The following ATXN2L variants were observed in gnomAD, a reference collection of about 807,000 sequenced individuals.
ATXN2L encodes the protein ataxin-2-like protein.
In ATXN2L, 24 loss-of-function variants were observed where a neutral mutation model predicts 120.7. That is an observed-to-expected ratio of 0.20 (90% CI 0.14 to 0.28). ATXN2L has a LOEUF of 0.28. ATXN2L is among the 10% of genes least tolerant of loss of function. ATXN2L has a pLI of 1.00. For missense variants in ATXN2L, 1,312 were observed against 1,432.3 expected, an observed-to-expected ratio of 0.92 and a Z score of 1.36; for synonymous variants, 653 against 568.1, an observed-to-expected ratio of 1.15 and a Z score of -2.13.
chr16:28,836,238 G>T lies in ATXN2L; in HGVS notation c.3201G>T (p.Gln1067His), dbSNP rs1960657458. The T allele has an allele frequency of 1.2e-5, 20 of 1,613,560 alleles. No homozygotes were observed. Among genetic ancestry groups the T allele is most frequent in the Non-Finnish European group, 1.4e-5 (17 of 1,179,640 alleles). ...HGRAEGLQVG[Q>H]DARVLGGE is the part of the protein sequence containing the mutation. ...GAGCTGAGGGGCTGCAGGTGGGGCA[G>T]GATGCACGGGTTCTGGGTGGGGAGT... Residue 1067 changes from glutamine (Q) to histidine (H), a missense_variant, in exon 22 of 22, where the codon CAG becomes CAT. Gln to His is a conservative substitution (Grantham distance 24). Transcript: ENST00000336783.
chr16:28,832,649 T>G, intron 12 of ATXN2L, 82 bp downstream of exon 12: 3 of 1,494,580 alleles, frequency 2.0e-6, no homozygotes, highest in Non-Finnish European at 2.8e-6. Flanking sequence ...TTGTTGGAAT[T>G]CAGAGGCAAA....
At chr16:28,824,025 G>T (rs2050689592) in intron 1 of ATXN2L, 3 of 861,704 alleles carry the variant, frequency 3.5e-6, no homozygotes, top group South Asian at 4.6e-5. Context: ...ACTTGGGAGC[G>T]GGTTGCTGCC....
Position 28,835,046 on chromosome 16 carries a change from C to G in ATXN2L, c.2434-12C>G. ...GCGGCTGTGCCAACCACTCCTCTCT[C>G]TGTCCCGCCAGCCGGTGTTTGCCCC... On this transcript the variant is annotated splice_polypyrimidine_tract_variant and intron_variant, in intron 18 of 21. Transcript: ENST00000336783. The G allele has an allele frequency of 6.2e-7, 1 of 1,605,088 alleles. No individual in the cohort carries two copies. Among genetic ancestry groups the G allele is most frequent in the Non-Finnish European group, 8.5e-7 (1 of 1,175,326 alleles).
intron 18 of ATXN2L, 137 bp downstream of exon 18, chr16:28,834,830 C>G (rs1959515537): frequency 1.6e-6 from 2 of 1,223,288 alleles, no homozygotes; most frequent in Admixed American, 2.8e-5. Flanking sequence ...TTGGCGGTGT[C>G]AGACTTGGGC....
At chr16:28,824,181 C>G in intron 1 of ATXN2L, 1 of 1,037,790 alleles carries the variant, frequency 9.6e-7, no homozygotes, top group Non-Finnish European at 1.2e-6. Flanking sequence ...TCTCATGACC[C>G]GGGCATTCGC....
At position 28,823,223 on chromosome 16, in the gene ATXN2L, T is replaced by A; in HGVS notation, c.-37T>A. ...CCCCAGCCCCGGCCCCCTCTCTCCC[T>A]CCCTTCTCTCTAATTCCCCTTCCGG... On this transcript the variant is annotated 5_prime_UTR_variant, in exon 1 of 22. Transcript: ENST00000336783. The A allele has an allele frequency of 8.4e-7, 1 of 1,190,788 alleles. No individual in the cohort carries two copies. The highest frequency in any genetic ancestry group is 1.1e-6 in the Non-Finnish European group (1 of 922,142). 73.8% of individuals were successfully genotyped at this position (1,190,788 alleles called of 1,614,324 possible). A position where few individuals can be genotyped will look rare whatever the true frequency, so the allele number is the denominator to read the frequency against.
Position 28,834,114 on chromosome 16 carries a change from C to T in ATXN2L, c.2075C>T (p.Thr692Ile). 1 of 1,614,182 alleles carries T rather than the reference C, an allele frequency of 6.2e-7. No homozygotes were observed. The highest frequency in any genetic ancestry group is 8.5e-7 in the Non-Finnish European group (1 of 1,180,024). Residue 692 changes from threonine to isoleucine, a missense_variant, in exon 16 of 22, where the codon ACT becomes ATT. By Grantham distance (89) the Thr-to-Ile change is moderately conservative. Coordinates refer to ENST00000336783, the MANE Select transcript of ATXN2L (RefSeq NM_007245.4). ...TCTCCGGGGCCCCGGACTCATTCAA[C>T]TCCCTCCATCCCGGTGCTGACAGCA... is the stretch of plus-strand genomic sequence containing the variant. ...PTSPGPRTHSTPSIPVLTAGQ... is the reference protein window; with the variant it reads ...PTSPGPRTHSIPSIPVLTAGQ...
At chr16:28,828,528 G>A (rs1369646704) in intron 6 of ATXN2L, among the ~76,000 whole-genome samples, 1 of 151,500 alleles carries the variant, frequency 6.6e-6, no homozygotes, top group East Asian at 1.9e-4. Flanking sequence ...CGGAGGTTGC[G>A]GTGAGCCAAG....
chr16:28,823,009 A>C lies in ATXN2L; in HGVS notation c.-251A>C. On this transcript the variant is annotated 5_prime_UTR_variant, in exon 1 of 22. Transcript: ENST00000336783. ...CCCTCTCCGCTCCCCGGCGACGCGC[A>C]CGCGCGCCAGCCCGGCTCGCGCCCT... 7.3e-6 allele frequency: 1 copy of C among 137,084 alleles called. No individual in the cohort carries two copies. The highest frequency in any genetic ancestry group is 2.1e-4 in the East Asian group (1 of 4,660). The allele number at this position is 137,084 out of a possible 1,614,324, so 8.5% of individuals were successfully genotyped here.
At chr16:28,829,815 C>A in intron 7 of ATXN2L, 43 bp from the exon 8 acceptor site, 1 of 1,595,344 alleles carries the variant, frequency 6.3e-7, no homozygotes, top group African/African-American at 1.3e-5. Context: ...CCTCTTTTGT[C>A]CCCTGGCACT....
chr16:28,832,304 C>T lies in ATXN2L; in HGVS notation c.1421C>T (p.Ser474Phe). ...CCCATCGGCTCGGCAGTGCCAACCT[C>T]TTCAGCCTCCATCCCTGTGACCTCA... is the stretch of plus-strand genomic sequence containing the variant. The part of the protein sequence containing the change: ...EPPIGSAVPT[S>F]SASIPVTSSV... The change falls in exon 11 of 22, where the codon TCT (serine) becomes TTT (phenylalanine). Residue 474 changes from serine (S) to phenylalanine (F), a missense_variant. Transcript: ENST00000336783. 9 of 1,614,176 alleles carry T rather than the reference C, an allele frequency of 5.6e-6. No individual in the cohort carries two copies. The highest frequency in any genetic ancestry group is 7.6e-6 in the Non-Finnish European group (9 of 1,180,034).
In ATXN2L at chr16:28,836,860, TCCCAGCCC is replaced by T. The variant is rs1961144973; in HGVS notation, c.*600_*607del. 13 of 1,457,258 alleles carry T rather than the reference TCCCAGCCC, an allele frequency of 8.9e-6. No homozygotes were observed. In the South Asian group the frequency reaches 1.3e-4, roughly 15 times the overall value. The allele number at this position is 1,457,258 out of a possible 1,614,324, so 90.3% of individuals were successfully genotyped here. A position where few individuals can be genotyped will look rare whatever the true frequency, so the allele number is the denominator to read the frequency against. The stretch of plus-strand genomic sequence containing the variant: ...CTCTTCCCCCAGCAGCTCGGACCAC[TCCCAGCCC>T]CCCATCCCCCCGTTCCCCAGGGGAG... On this transcript the variant is annotated 3_prime_UTR_variant, in exon 22 of 22. Transcript: ENST00000336783.
chr16:28,825,765 G>A lies in ATXN2L; in HGVS notation c.394-5G>A, dbSNP rs371507601. 8.0e-5 allele frequency: 129 copies of A among 1,613,946 alleles called. No homozygotes were observed. In the African/African-American group the frequency reaches 1.5e-3, roughly 19 times the overall value. On this transcript the variant is annotated splice_polypyrimidine_tract_variant and splice_region_variant and intron_variant, in intron 3 of 21. Coordinates refer to ENST00000336783, the MANE Select transcript of ATXN2L (RefSeq NM_007245.4). ...ACACTCTTCTTATTTTTCCCACTCT[G>A]CCAGGGCTCCACTTGTGATGTAAAG...
chr16:28,828,889 A>G (rs555619306), intron 6 of ATXN2L, among the ~76,000 whole-genome samples: 12 of 152,234 alleles, frequency 7.9e-5, no homozygotes, highest in Admixed American at 4.6e-4. Flanking sequence ...GACTGCAGGC[A>G]TGCGCCACCA....
At chr16:28,826,109 A>T in intron 4 of ATXN2L, 131 bp from the exon 5 acceptor site, 1 of 1,090,614 alleles carries the variant, frequency 9.2e-7, no homozygotes, top group Non-Finnish European at 1.3e-6. Context: ...AAGCATGTTG[A>T]GGATGTAGTG....
At position 28,837,176 on chromosome 16, in the gene ATXN2L, C is replaced by T. The variant is rs982850462; in HGVS notation, c.*911C>T. The T allele has an allele frequency of 3.0e-5, 6 of 197,142 alleles. No homozygotes were observed. The highest frequency in any genetic ancestry group is 2.9e-4 in the Admixed American group (5 of 17,028). The allele number at this position is 197,142 out of a possible 1,614,324, so 12.2% of individuals were successfully genotyped here. A position where few individuals can be genotyped will look rare whatever the true frequency, so the allele number is the denominator to read the frequency against. On this transcript the variant is annotated 3_prime_UTR_variant, in exon 22 of 22. Transcript: ENST00000336783. ...GAGGATGGCTGGACAAGGACTTTTACTTTTTATTACATAAAAATATTAAAA... is the reference window on the plus strand; with the variant it reads ...GAGGATGGCTGGACAAGGACTTTTATTTTTTATTACATAAAAATATTAAAA...
intron 7 of ATXN2L, 42 bp from the exon 8 acceptor site, chr16:28,829,816 C>G (rs775852676): frequency 1.9e-6 from 3 of 1,597,512 alleles, no homozygotes; most frequent in Non-Finnish European, 1.7e-6. Flanking sequence ...CTCTTTTGTC[C>G]CCTGGCACTG....
In ATXN2L at chr16:28,830,697, C is replaced by T. The variant is rs754290857; in HGVS notation, c.1117C>T (p.Arg373Trp). The T allele has an allele frequency of 8.7e-6, 14 of 1,613,744 alleles. No individual in the cohort carries two copies. Among genetic ancestry groups the T allele is most frequent in the South Asian group, 1.1e-5 (1 of 91,024 alleles). Residue 373 changes from arginine (R) to tryptophan (W), a missense_variant, in exon 9 of 22, where the codon CGG becomes TGG. Transcript: ENST00000336783. ...TCGATGCAGCAGCTCTCGGGGCGGT[C>T]GGCCTGGCCTTAGCTCTTTGCCACC... Reference protein sequence around the residue: ...GVRCSSSRGGRPGLSSLPPRG... With the variant: ...GVRCSSSRGGWPGLSSLPPRG...
intron 5 of ATXN2L, 165 bp from the exon 6 acceptor site, chr16:28,826,697 T>C (rs117898009): frequency 0.039 from 30,918 of 794,548 alleles, 775 homozygotes; most frequent in Non-Finnish European, 0.047. Context: ...TATACTCTTC[T>C]TCTCTTGCCT....
Sources: allele counts gnomAD v4.1 joint callset (sites outside exome capture counted in the v4.1 genomes callset), GRCh38; gene constraint gnomAD v4.1.1; transcripts MANE v1.5; gene names NCBI Gene and HGNC (gene_info 2026-07-23, HGNC 2026-07-21).